Variants in GPATCH8 observed in about 807,000 individuals in gnomAD.
GPATCH8 encodes the protein G-patch domain containing 8.
GPATCH8 carries 18 observed loss-of-function variants against 118.3 expected under a neutral mutation model. The observed-to-expected ratio is 0.15, with a 90% CI of 0.11 to 0.23. The LOEUF is 0.23. GPATCH8 is among the 10% of genes least tolerant of loss of function. The pLI, the probability that GPATCH8 is intolerant of heterozygous loss-of-function variation, is 1.00. For synonymous variants in GPATCH8, 659 were observed against 684.7 expected (o/e 0.96, Z 0.59); for missense variants, 1,631 against 1,873.8 (o/e 0.87, Z 2.39).
intron 5 of GPATCH8, among the ~76,000 whole-genome samples, chr17:44,431,251 G>C (rs374119036): frequency 6.6e-6 from 1 of 151,682 alleles, no homozygotes; most frequent in Non-Finnish European, 1.5e-5. Context: ...GTGCACACCT[G>C]TAATCCCAGC....
chr17:44,497,909 A>G (rs1969786384), intron 1 of GPATCH8, among the ~76,000 whole-genome samples: 1 of 152,074 alleles, frequency 6.6e-6, no homozygotes, highest in Non-Finnish European at 1.5e-5. Context: ...ACTGTACTCT[A>G]GCCTGGACAA....
At chr17:44,453,368 C>T (rs1051528350) in intron 3 of GPATCH8, among the ~76,000 whole-genome samples, 2 of 152,118 alleles carry the variant, frequency 1.3e-5, no homozygotes, top group African/African-American at 4.8e-5. Context: ...AATGGGACAA[C>T]AGTAATTCTC....
At chr17:44,461,178 T>TTTTA (rs892008464) in intron 3 of GPATCH8, among the ~76,000 whole-genome samples, 3 of 152,240 alleles carry the variant, frequency 2.0e-5, no homozygotes, top group East Asian at 3.9e-4. Context: ...GTGAATTTTA[T>TTTTA]TTTATTTATT....
chr17:44,434,352 T>C (rs955993307), intron 5 of GPATCH8, among the ~76,000 whole-genome samples: 12 of 151,988 alleles, frequency 7.9e-5, no homozygotes, highest in African/African-American at 2.9e-4. Flanking sequence ...GGTTATATTA[T>C]AGTTCTGGAT....
In GPATCH8 at chr17:44,400,545, T is replaced by C. The variant is rs377169163; in HGVS notation, c.1532A>G (p.Asn511Ser). Reference sequence around the variant, plus strand: ...GGCCAGAGAGGTTTCTTTAGAAGAGTTGGACTCACACATTTGGGTCTCTGA... The same window carrying C: ...GGCCAGAGAGGTTTCTTTAGAAGAGCTGGACTCACACATTTGGGTCTCTGA... ...KVSETQMCESNSSKETSLATP... is the reference protein window; with the variant it reads ...KVSETQMCESSSSKETSLATP... Residue 511 changes from asparagine (N) to serine (S), a missense_variant, in exon 8 of 8, where the codon AAC becomes AGC. Coordinates refer to ENST00000591680, the MANE Select transcript of GPATCH8 (RefSeq NM_001002909.4). 49 of 1,614,066 alleles carry C rather than the reference T, an allele frequency of 3.0e-5. No homozygotes were observed. Among genetic ancestry groups the C allele is most frequent in the Middle Eastern group, 1.7e-4 (1 of 6,060 alleles).
At chr17:44,444,456 A>G (rs12948819) in intron 3 of GPATCH8, among the ~76,000 whole-genome samples, 2,770 of 152,118 alleles carry the variant, frequency 0.018, 88 homozygotes, top group African/African-American at 0.064. Flanking sequence ...ATACGGAAAA[A>G]AACAGTTAAG....
At position 44,398,632 on chromosome 17, in the gene GPATCH8, C is replaced by G; in HGVS notation, c.3445G>C (p.Gly1149Arg). 1 of 1,547,532 alleles carries G rather than the reference C, an allele frequency of 6.5e-7. No homozygotes were observed. The highest frequency in any genetic ancestry group is 8.7e-7 in the Non-Finnish European group (1 of 1,149,670). Residue 1149 changes from glycine to arginine, a missense_variant, in exon 8 of 8, where the codon GGG becomes CGG. This residue lies in a region of GPATCH8 where 922 missense variants were observed against 879.7 expected (regional missense o/e 1.05). Coordinates refer to ENST00000591680, the MANE Select transcript of GPATCH8 (RefSeq NM_001002909.4). Reference protein sequence around the residue: ...LGNKPVLPLIGKLPATRKPNK... With the variant: ...LGNKPVLPLIRKLPATRKPNK... ...GGCTTTCGGGTAGCTGGGAGCTTCC[C>G]TATCAGTGGAAGGACAGGCTTATTG...
In GPATCH8 at chr17:44,401,247, C is replaced by G. The variant is rs770528885; in HGVS notation, c.830G>C (p.Gly277Ala). The G allele has an allele frequency of 2.5e-6, 4 of 1,613,844 alleles. No homozygotes were observed. In the African/African-American group the frequency reaches 5.3e-5, roughly 22 times the overall value. ...TNTTGLAQAPGLASQGISFGI... is the reference protein window; with the variant it reads ...TNTTGLAQAPALASQGISFGI... ...AAAGCTGATGCCTTGGGAGGCTAAC[C>G]CAGGAGCCTGGGCCAGTCCAGTGGT... Residue 277 changes from glycine to alanine, a missense_variant, in exon 8 of 8, where the codon GGG (glycine) becomes GCG (alanine). This residue lies in a region of GPATCH8 where 405 missense variants were observed against 462.7 expected (regional missense o/e 0.88). Transcript: ENST00000591680.
intron 1 of GPATCH8, among the ~76,000 whole-genome samples, chr17:44,494,027 C>T (rs190879756): frequency 2.8e-4 from 43 of 152,278 alleles, no homozygotes; most frequent in Non-Finnish European, 5.3e-4. Flanking sequence ...ATCTTGCTCT[C>T]CATTCTGCCT....
At chr17:44,402,215 G>C (rs1444117259) in intron 7 of GPATCH8, among the ~76,000 whole-genome samples, 2 of 149,864 alleles carry the variant, frequency 1.3e-5, no homozygotes, top group African/African-American at 4.9e-5. Flanking sequence ...AGCTACTCAG[G>C]AGGCTGAGGC....
rs79709698 is a variant in GPATCH8 at position 44,468,987 on chromosome 17, T to C, written c.121-4443A>G. 9.8e-3 allele frequency among the ~76,000 whole-genome samples: 1,500 copies of C among 152,322 alleles called. 18 individuals are homozygous for C. The highest frequency in any genetic ancestry group is 0.034 in the African/African-American group (1,421 of 41,568). On this transcript the variant is annotated intron_variant, in intron 2 of 7. Coordinates refer to ENST00000591680, the MANE Select transcript of GPATCH8 (RefSeq NM_001002909.4). ...AAAATGGTGGCTGTGCGGCCTGTTCTTTGGTTGGAAATGAAGTTCTTCTTC... is the reference window on the plus strand; with the variant it reads ...AAAATGGTGGCTGTGCGGCCTGTTCCTTGGTTGGAAATGAAGTTCTTCTTC...
intron 3 of GPATCH8, among the ~76,000 whole-genome samples, chr17:44,456,308 G>T (rs980951210): frequency 6.6e-6 from 1 of 151,978 alleles, no homozygotes; most frequent in Non-Finnish European, 1.5e-5. Flanking sequence ...TTAAGATGAG[G>T]TCTTGTTATA....
At chr17:44,418,266 T>C (rs1399399891) in intron 6 of GPATCH8, among the ~76,000 whole-genome samples, 1 of 152,064 alleles carries the variant, frequency 6.6e-6, no homozygotes, top group Non-Finnish European at 1.5e-5. Context: ...TTCTTTGGAG[T>C]TTGAATTTTA....
intron 1 of GPATCH8, 53 bp downstream of exon 1, chr17:44,503,273 G>C: frequency 1.3e-6 from 2 of 1,506,540 alleles, no homozygotes; most frequent in Non-Finnish European, 1.8e-6. Context: ...GATGAAGGAG[G>C]TTCTGGGCTA....
At chr17:44,493,989 C>T (rs1969479810) in intron 1 of GPATCH8, among the ~76,000 whole-genome samples, 1 of 152,228 alleles carries the variant, frequency 6.6e-6, no homozygotes, top group African/African-American at 2.4e-5. Context: ...CCTGGTGCCT[C>T]AGTTCCTTAA....
chr17:44,401,265 C>T lies in GPATCH8; in HGVS notation c.812G>A (p.Gly271Glu), dbSNP rs1303056824. 1.2e-6 allele frequency: 2 copies of T among 1,613,686 alleles called. No individual in the cohort carries two copies. The highest frequency in any genetic ancestry group is 2.7e-5 in the African/African-American group (2 of 74,964). The change falls in exon 8 of 8, where the codon GGA becomes GAA. Residue 271 changes from glycine (G) to glutamate (E), a missense_variant. By Grantham distance (98) the Gly-to-Glu change is moderately conservative. Transcript: ENST00000591680. ...FTAVQITNTT[G>E]LAQAPGLASQ... ...GGCTAACCCAGGAGCCTGGGCCAGT[C>T]CAGTGGTATTAGTGATTTGTACTGC...
intron 3 of GPATCH8, among the ~76,000 whole-genome samples, chr17:44,450,039 G>C (rs1464097936): frequency 6.6e-6 from 1 of 152,210 alleles, no homozygotes; most frequent in East Asian, 1.9e-4. Context: ...AAAACATATA[G>C]CCATATTTAA....
At chr17:44,499,689 T>C (rs1383508065) in intron 1 of GPATCH8, among the ~76,000 whole-genome samples, 1 of 152,202 alleles carries the variant, frequency 6.6e-6, no homozygotes, top group Non-Finnish European at 1.5e-5. Context: ...GAACCTGTAA[T>C]CCAAAGTGTT....
In GPATCH8 at chr17:44,396,569, T is replaced by C; in HGVS notation, c.*999A>G. 4.6e-6 allele frequency: 2 copies of C among 435,518 alleles called. No homozygotes were observed. Among genetic ancestry groups the C allele is most frequent in the Middle Eastern group, 7.5e-4 (1 of 1,326 alleles). The allele number at this position is 435,518 out of a possible 1,614,324, so 27.0% of individuals were successfully genotyped here. ...TTTTGCATCTAGCAGAAAACAAATA[T>C]TTTATTTTTTGTTTTCATTTTATAA... is the stretch of plus-strand genomic sequence containing the variant. On this transcript the variant is annotated 3_prime_UTR_variant, in exon 8 of 8. Transcript: ENST00000591680.
Sources: allele counts gnomAD v4.1 joint callset (sites outside exome capture counted in the v4.1 genomes callset), GRCh38; gene constraint gnomAD v4.1.1; regional missense constraint gnomAD v4.1.1; transcripts MANE v1.5; gene names NCBI Gene and HGNC (gene_info 2026-07-23, HGNC 2026-07-21).